Variants in STK11IP observed in about 807,000 individuals in gnomAD.
STK11IP encodes serine/threonine-protein kinase 11-interacting protein.
Under a neutral mutation model 131.7 loss-of-function variants are expected in STK11IP, and 103 were observed. The observed-to-expected ratio is 0.78, with a 90% confidence interval of 0.67 to 0.92. The LOEUF is 0.92. Ranked by LOEUF, STK11IP falls within the 40% of genes least tolerant of loss-of-function variation. STK11IP has a pLI of 0.00. For missense variants in STK11IP, 1,315 were observed against 1,385.7 expected (o/e 0.95, Z 0.81); for synonymous variants, 557 against 575.6 (o/e 0.97, Z 0.46).
At chr2:219,615,782 G>T (rs1180414681) in intron 24 of STK11IP, 1 of 688,906 alleles carries the variant, frequency 1.5e-6, no homozygotes, top group East Asian at 2.9e-5. Flanking sequence ...TGAATCCACA[G>T]TTCCCTGAAA....
rs772604520 is a variant in STK11IP, at chr2:219,598,188, G to C, written c.61+8G>C. ...GGTTGCTGCGGGAGTCCGGTGAGTG[G>C]ACTTCCGGTTGGGCTGGGCCTCGGA... is the stretch of plus-strand genomic sequence containing the variant. On this transcript the variant is annotated splice_region_variant and intron_variant, in intron 2 of 24. Transcript: ENST00000456909. The C allele has an allele frequency of 1.6e-5, 24 of 1,544,208 alleles. No individual in the cohort carries two copies. The highest frequency in any genetic ancestry group is 2.1e-5 in the Non-Finnish European group (24 of 1,142,884).
intron 6 of STK11IP, 54 bp downstream of exon 6, chr2:219,602,629 G>A: frequency 6.2e-7 from 1 of 1,611,236 alleles, no homozygotes; most frequent in Non-Finnish European, 8.5e-7. Flanking sequence ...CAGGCCTTTG[G>A]GGAGGAGGGC....
At chr2:219,613,265 G>A in intron 20 of STK11IP, 40 bp downstream of exon 20, 1 of 869,696 alleles carries the variant, frequency 1.1e-6, no homozygotes, top group South Asian at 1.4e-5. Context: ...GGGGGGAGAT[G>A]GGGTGAGTTG....
At position 219,597,887 on chromosome 2, in the gene STK11IP, C is replaced by T. The variant is rs1312046900; in HGVS notation, c.-63C>T. 2 of 1,608,588 alleles carry T rather than the reference C, an allele frequency of 1.2e-6. No individual in the cohort carries two copies. The highest frequency in any genetic ancestry group is 1.7e-4 in the Middle Eastern group (1 of 6,044). On this transcript the variant is annotated 5_prime_UTR_variant, in exon 1 of 25. Transcript: ENST00000456909. The stretch of plus-strand genomic sequence containing the variant: ...CTTTCCATCATTGATAGGCGCCGGG[C>T]AGCTGAGCTGGTAGGAGGACCAGAC...
At chr2:219,612,268 C>G (rs1698424217) in intron 19 of STK11IP, among the ~76,000 whole-genome samples, 1 of 152,222 alleles carries the variant, frequency 6.6e-6, no homozygotes, top group Non-Finnish European at 1.5e-5. Context: ...AACGATGCCT[C>G]CCTTACACAG....
chr2:219,600,041 GTTTTTTTTTTTGTTTTTGTTTTTTT>G lies in STK11IP; in HGVS notation c.62-1182_62-1158del, dbSNP rs1214686321. On this transcript the variant is annotated intron_variant, in intron 2 of 24. Coordinates refer to ENST00000456909, the MANE Select transcript of STK11IP (RefSeq NM_052902.4). Reference sequence around the variant, plus strand: ...GTGAGCCACCACGCCTGCCCTTTGTGTTTTTTTTTTTGTTTTTGTTTTTTTTTTTTTTTTTTTTTGAGATGGAGTC... The same window carrying G: ...GTGAGCCACCACGCCTGCCCTTTGTGTTTTTTTTTTTTTTGAGATGGAGTC... Among the ~76,000 whole-genome samples the G allele has an allele frequency of 1.2e-4, 11 of 91,932 alleles. 1 individual carries two copies. The highest frequency in any genetic ancestry group is 4.1e-4 in the African/African-American group (10 of 24,488). The allele number at this position is 91,932 out of a possible 152,430, so 60.3% of individuals were successfully genotyped here.
Position 219,605,706 on chromosome 2 carries a change from G to T in STK11IP, c.717G>T (p.Leu239=), listed in dbSNP as rs752049398. ...GGGCTGCTCTGGGGGTCCTGATACT[G>T]CGAGGCAATGAGCTTCGGAGCCTGC... ...PSGAALGVLI[L]RGNELRSLHG... is the part of the protein sequence containing the mutation. Residue 239 remains leucine (L), a synonymous_variant, in exon 8 of 25, where the codon CTG becomes CTT. Coordinates refer to ENST00000456909, the MANE Select transcript of STK11IP (RefSeq NM_052902.4). The T allele has an allele frequency of 4.8e-5, 76 of 1,589,386 alleles. No individual in the cohort carries two copies. The highest frequency in any genetic ancestry group is 6.3e-5 in the Non-Finnish European group (74 of 1,168,186).
At chr2:219,601,081 CT>C (rs1239509317) in intron 2 of STK11IP, among the ~76,000 whole-genome samples, 153 bp from the exon 3 acceptor site, 1 of 152,196 alleles carries the variant, frequency 6.6e-6, no homozygotes. Flanking sequence ...CCATTGAATG[CT>C]TTTGAGCTGA....
In STK11IP at chr2:219,616,274, A is replaced by G; in HGVS notation, c.*81A>G. 1 of 1,503,592 alleles carries G rather than the reference A, an allele frequency of 6.7e-7. No homozygotes were observed. The allele number at this position is 1,503,592 out of a possible 1,614,324, so 93.1% of individuals were successfully genotyped here. ...CTCCTGGTCTCTGGGTCTGGCTTCCAGGCTCTGGCTGTGGATGTCTTCAGC... is the reference window on the plus strand; with the variant it reads ...CTCCTGGTCTCTGGGTCTGGCTTCCGGGCTCTGGCTGTGGATGTCTTCAGC... On this transcript the variant is annotated 3_prime_UTR_variant, in exon 25 of 25. Transcript: ENST00000456909.
In STK11IP at chr2:219,613,984, T is replaced by C. The variant is rs1698494086; in HGVS notation, c.2716+54T>C. The C allele has an allele frequency of 2.6e-6, 4 of 1,510,340 alleles. No individual in the cohort carries two copies. The South Asian group carries it at 3.8e-5, about 14-fold the overall frequency. 93.6% of individuals were successfully genotyped at this position (1,510,340 alleles called of 1,614,324 possible). A position where few individuals can be genotyped will look rare whatever the true frequency, so the allele number is the denominator to read the frequency against. On this transcript the variant is annotated intron_variant, in intron 21 of 24. Transcript: ENST00000456909. ...GTGGGCAGGAGGGTGGGCAGGGCCTTGGGGCCAGGCTCCCCACCTGGTACC... is the reference window on the plus strand; with the variant it reads ...GTGGGCAGGAGGGTGGGCAGGGCCTCGGGGCCAGGCTCCCCACCTGGTACC...
intron 2 of STK11IP, among the ~76,000 whole-genome samples, chr2:219,598,991 C>T (rs975350775): frequency 1.3e-5 from 2 of 152,224 alleles, no homozygotes; most frequent in Non-Finnish European, 2.9e-5. Flanking sequence ...ATACCAAAGT[C>T]ATCTGGTACA....
Position 219,608,239 on chromosome 2 carries a change from C to G in STK11IP, c.1412C>G (p.Pro471Arg), listed in dbSNP as rs1320402284. The G allele has an allele frequency of 6.2e-7, 1 of 1,613,656 alleles. No homozygotes were observed. Among genetic ancestry groups the G allele is most frequent in the East Asian group, 2.2e-5 (1 of 44,878 alleles). ...QGPDTAPRPS[P>R]PQEEARGPQE... ...CCCGACACTGCACCCAGACCTTCAC[C>G]CCCGCAGGAGGAAGCCAGAGGCCCC... Residue 471 changes from proline (P) to arginine (R), a missense_variant, in exon 14 of 25, where the codon CCC becomes CGC. Physicochemically the swap from Pro to Arg is moderately radical, Grantham distance 103. Coordinates refer to ENST00000456909, the MANE Select transcript of STK11IP (RefSeq NM_052902.4).
At position 219,608,730 on chromosome 2, in the gene STK11IP, G is replaced by T; in HGVS notation, c.1751G>T (p.Ser584Ile). The part of the protein sequence containing the change: ...ARTLERLELQ[S>I]LEAAEIEPEA... ...ACCTTGGAGCGACTGGAGCTCCAGA[G>T]TCTGGAGGCAGCTGAGATAGAGCCG... The change falls in exon 15 of 25, where the codon AGT becomes ATT. Residue 584 changes from serine to isoleucine, a missense_variant. Ser to Ile is a moderately radical substitution (Grantham distance 142). Coordinates refer to ENST00000456909, the MANE Select transcript of STK11IP (RefSeq NM_052902.4). 6.2e-7 allele frequency: 1 copy of T among 1,612,854 alleles called. No individual in the cohort carries two copies. Among genetic ancestry groups the T allele is most frequent in the Non-Finnish European group, 8.5e-7 (1 of 1,179,594 alleles).
Position 219,606,773 on chromosome 2 carries a change from C to T in STK11IP, c.1049C>T (p.Thr350Ile), listed in dbSNP as rs1195005772. The change falls in exon 12 of 25, where the codon ACT becomes ATT. Residue 350 changes from threonine to isoleucine, a missense_variant. By Grantham distance (89) the Thr-to-Ile change is moderately conservative (BLOSUM62 -1). Coordinates refer to ENST00000456909, the MANE Select transcript of STK11IP (RefSeq NM_052902.4). Reference protein sequence around the residue: ...GPPLPWPVGSTPETSGGPDLS... With the variant: ...GPPLPWPVGSIPETSGGPDLS... ...CCTTTGCCCTGGCCAGTGGGGAGTACTCCTGAAACCTCAGGTGGCCCTGAC... is the reference window on the plus strand; with the variant it reads ...CCTTTGCCCTGGCCAGTGGGGAGTATTCCTGAAACCTCAGGTGGCCCTGAC... 5 of 1,613,854 alleles carry T rather than the reference C, an allele frequency of 3.1e-6. No individual in the cohort carries two copies. Among genetic ancestry groups the T allele is most frequent in the Middle Eastern group, 1.7e-4 (1 of 6,060 alleles).
chr2:219,608,172 A>G lies in STK11IP; in HGVS notation c.1345A>G (p.Thr449Ala), dbSNP rs1324997564. 1 of 1,613,466 alleles carries G rather than the reference A, an allele frequency of 6.2e-7. No individual in the cohort carries two copies. Among genetic ancestry groups the G allele is most frequent in the Non-Finnish European group, 8.5e-7 (1 of 1,179,854 alleles). ...PSGNPLPATPTTSAPSAPPAS... is the reference protein window; with the variant it reads ...PSGNPLPATPATSAPSAPPAS... ...CGGAAACCCTCTGCCGGCCACCCCC[A>G]CTACTTCTGCACCCAGTGCACCTCC... The change falls in exon 14 of 25, where the codon ACT (threonine) becomes GCT (alanine). Residue 449 changes from threonine (T) to alanine (A), a missense_variant. Thr to Ala is a moderately conservative substitution (Grantham distance 58). Coordinates refer to ENST00000456909, the MANE Select transcript of STK11IP (RefSeq NM_052902.4).
rs748612698 is a variant in STK11IP, at chr2:219,615,319, T to TG, written c.3096dup (p.Arg1033AlafsTer7). The TG allele has an allele frequency of 1.9e-6, 3 of 1,601,952 alleles. No homozygotes were observed. Among genetic ancestry groups the TG allele is most frequent in the East Asian group, 2.2e-5 (1 of 44,842 alleles). On this transcript the variant is annotated frameshift_variant, in exon 24 of 25. Transcript: ENST00000456909. LOFTEE classifies it high-confidence loss of function. ...CTCTACCGCTCAGCCCCTGAGGACT[T>TG]GCGGCTGCTCTTCTACGATGAGGTG... is the stretch of plus-strand genomic sequence containing the variant.
Position 219,615,296 on chromosome 2 carries a change from C to CT in STK11IP, c.3073dup (p.Tyr1025LeufsTer6). On this transcript the variant is annotated frameshift_variant, in exon 24 of 25. Transcript: ENST00000456909. LOFTEE classifies it high-confidence loss of function. ...TCAGCAGCCTGAGCTCCGTGCTGCT[C>CT]TACCGCTCAGCCCCTGAGGACTTGC... 6.2e-7 allele frequency: 1 copy of CT among 1,602,618 alleles called. No individual in the cohort carries two copies. The highest frequency in any genetic ancestry group is 8.5e-7 in the Non-Finnish European group (1 of 1,179,454).
chr2:219,607,233 T>C (rs1698222154), intron 13 of STK11IP, 96 bp downstream of exon 13: 1 of 1,272,830 alleles, frequency 7.9e-7, no homozygotes, highest in African/African-American at 1.5e-5. Flanking sequence ...AATGTTATTT[T>C]TTGTTGGGGT....
chr2:219,613,695 C>G (rs1034348138), intron 20 of STK11IP, 57 bp from the exon 21 acceptor site: 4 of 1,604,430 alleles, frequency 2.5e-6, no homozygotes, highest in Admixed American at 3.3e-5. Context: ...CAGGGCCTCT[C>G]TGGGACTCTC....
Sources: allele counts gnomAD v4.1 joint callset (sites outside exome capture counted in the v4.1 genomes callset), GRCh38; gene constraint gnomAD v4.1.1; transcripts MANE v1.5; gene names NCBI Gene and HGNC (gene_info 2026-07-23, HGNC 2026-07-21).